Variants in ALPL observed in about 807,000 individuals in gnomAD.
ALPL encodes alkaline phosphatase, biomineralization associated, also known as alkaline phosphatase, tissue-nonspecific isozyme.
In ALPL, 42 loss-of-function variants were observed where a neutral mutation model predicts 51.3. The ratio of observed to expected loss-of-function variants is 0.82; its 90% CI spans 0.64 to 1.06. The LOEUF is 1.06. ALPL is among the 50% of genes least tolerant of loss of function. The pLI is 0.00. For missense variants in ALPL, 589 were observed against 709.4 expected (o/e 0.83, Z 1.93); for synonymous variants, 279 against 296.4 (o/e 0.94, Z 0.60).
intron 1 of ALPL, among the ~76,000 whole-genome samples, chr1:21,549,320 A>T (rs180807376): frequency 6.6e-6 from 1 of 152,228 alleles, no homozygotes; most frequent in Admixed American, 6.5e-5. Flanking sequence ...TCTTTTTCAA[A>T]TGCCAGAGCC....
chr1:21,556,928 G>C (rs1644421537), intron 2 of ALPL, among the ~76,000 whole-genome samples: 2 of 152,150 alleles, frequency 1.3e-5, no homozygotes, highest in African/African-American at 2.4e-5. Flanking sequence ...AACAGAGCAA[G>C]ACTCCATCTC....
At position 21,566,369 on chromosome 1, in the gene ALPL, C is replaced by CG. The variant is rs1324323416; in HGVS notation, c.649-1735_649-1734insG. Among the ~76,000 whole-genome samples the CG allele has an allele frequency of 7.2e-5, 11 of 152,162 alleles. No homozygotes were observed. The East Asian group carries it at 2.1e-3, about 29-fold the overall frequency. ...TGCGATCTTGGCTCACTGCAGCCTT[C>CG]ACCTCCCGGGTTCAAGCGATTGTCC... is the stretch of plus-strand genomic sequence containing the variant. On this transcript the variant is annotated intron_variant, in intron 6 of 11. Coordinates refer to ENST00000374840, the MANE Select transcript of ALPL (RefSeq NM_000478.6).
intron 2 of ALPL, among the ~76,000 whole-genome samples, chr1:21,557,825 A>G (rs4654757): frequency 0.21 from 31,741 of 152,050 alleles, 3,662 homozygotes; most frequent in East Asian, 0.48. Flanking sequence ...ATTTATACCC[A>G]TGTAACCGCC....
intron 1 of ALPL, among the ~76,000 whole-genome samples, chr1:21,520,528 C>T (rs1290791437): frequency 7.6e-6 from 1 of 132,014 alleles, no homozygotes; most frequent in Non-Finnish European, 1.5e-5. Flanking sequence ...AGTGCAGTGG[C>T]TTGATCTTGG....
At chr1:21,512,774 A>G (rs1643716577) in intron 1 of ALPL, among the ~76,000 whole-genome samples, 2 of 152,272 alleles carry the variant, frequency 1.3e-5, no homozygotes, top group East Asian at 1.9e-4. Context: ...GAAAAACTCT[A>G]TGCTTAAAGT....
intron 2 of ALPL, among the ~76,000 whole-genome samples, chr1:21,556,263 T>A (rs1644412426): frequency 6.6e-6 from 1 of 152,224 alleles, no homozygotes; most frequent in Non-Finnish European, 1.5e-5. Context: ...TTCACATTTC[T>A]TATGAATGAC....
chr1:21,539,348 T>A (rs1252933175), intron 1 of ALPL, among the ~76,000 whole-genome samples: 1 of 152,238 alleles, frequency 6.6e-6, no homozygotes, highest in Non-Finnish European at 1.5e-5. Flanking sequence ...GAACAATGCC[T>A]GGCACATAAT....
rs372711153 is a variant in ALPL at position 21,573,879 on chromosome 1, G to A, written c.997+80G>A. 1.8e-4 allele frequency: 290 copies of A among 1,602,852 alleles called. 1 individual carries two copies. The East Asian group carries it at 4.8e-3, about 26-fold the overall frequency. On this transcript the variant is annotated intron_variant, in intron 9 of 11. Transcript: ENST00000374840. Reference sequence around the variant, plus strand: ...AGGATGGAGAAGTCCAGCTCTTAAAGGGAACTGACTGGTTTGGGGGTGAAG... The same window carrying A: ...AGGATGGAGAAGTCCAGCTCTTAAAAGGAACTGACTGGTTTGGGGGTGAAG...
At chr1:21,542,766 A>G (rs1644204500) in intron 1 of ALPL, among the ~76,000 whole-genome samples, 1 of 152,110 alleles carries the variant, frequency 6.6e-6, no homozygotes, top group East Asian at 1.9e-4. Flanking sequence ...TGAACTCTGA[A>G]GGCGGAGGTT....
At chr1:21,554,803 GTCTGTCTGTCTGTCTT>G (rs1360085874) in intron 2 of ALPL, among the ~76,000 whole-genome samples, 1,908 of 42,442 alleles carry the variant, frequency 0.045, 28 homozygotes, top group Non-Finnish European at 0.057. Context: ...CTGTCTGTCT[GTCTGTCTGTCTGTCTT>G]TCTTTCTTTC....
intron 1 of ALPL, among the ~76,000 whole-genome samples, chr1:21,548,896 C>T (rs1452561211): frequency 6.6e-6 from 1 of 152,164 alleles, no homozygotes; most frequent in African/African-American, 2.4e-5. Context: ...ACATACACTG[C>T]GTTTGATTCT....
At position 21,577,249 on chromosome 1, in the gene ALPL, T is replaced by G. The variant is rs935707038; in HGVS notation, c.1310-134T>G. ...CCCGTGGCCTTAGGCAAAATGACTT[T>G]CCCACATTGAGCCTCCTTTTCCTCT... On this transcript the variant is annotated intron_variant, in intron 11 of 11. Coordinates refer to ENST00000374840, the MANE Select transcript of ALPL (RefSeq NM_000478.6). 2.1e-6 allele frequency: 3 copies of G among 1,427,510 alleles called. No homozygotes were observed. In the Admixed American group the frequency reaches 5.1e-5, roughly 24 times the overall value. The allele number at this position is 1,427,510 out of a possible 1,614,324, so 88.4% of individuals were successfully genotyped here. A position where few individuals can be genotyped will look rare whatever the true frequency, so the allele number is the denominator to read the frequency against.
At chr1:21,560,020 A>G (rs1644462606) in intron 2 of ALPL, among the ~76,000 whole-genome samples, 1 of 152,254 alleles carries the variant, frequency 6.6e-6, no homozygotes, top group Non-Finnish European at 1.5e-5. Context: ...CGTCCTTGAT[A>G]ACTAATCCTA....
chr1:21,518,600 A>G (rs1643845283), intron 1 of ALPL, among the ~76,000 whole-genome samples: 1 of 152,020 alleles, frequency 6.6e-6, no homozygotes, highest in Non-Finnish European at 1.5e-5. Flanking sequence ...TTTTTATGGT[A>G]TTCAGAACAT....
At chr1:21,561,606 G>A (rs1644485910) in intron 4 of ALPL, among the ~76,000 whole-genome samples, 1 of 151,226 alleles carries the variant, frequency 6.6e-6, no homozygotes, top group Non-Finnish European at 1.5e-5. Flanking sequence ...CGATCCTACA[G>A]CCTTGGCCTC....
Position 21,515,993 on chromosome 1 carries a change from C to G in ALPL, c.-105+6476C>G, listed in dbSNP as rs535681262. On this transcript the variant is annotated intron_variant, in intron 1 of 11. Coordinates refer to ENST00000374840, the MANE Select transcript of ALPL (RefSeq NM_000478.6). ...TCCTGGACTCAAGCAATCCTCCTAC[C>G]CCAACCTCTCAAGTAGCTGGGACCA... is the stretch of plus-strand genomic sequence containing the variant. Among the ~76,000 whole-genome samples the G allele has an allele frequency of 4.3e-4, 66 of 152,262 alleles. 3 individuals carry two copies. The South Asian group carries it at 0.013, about 31-fold the overall frequency.
chr1:21,528,269 C>T (rs554356402), intron 1 of ALPL, among the ~76,000 whole-genome samples: 1 of 151,656 alleles, frequency 6.6e-6, no homozygotes, highest in Admixed American at 6.6e-5. Flanking sequence ...ATCCTCCTGC[C>T]GTGGCCTCCC....
chr1:21,540,309 G>A (rs1479575917), intron 1 of ALPL, among the ~76,000 whole-genome samples: 1 of 140,826 alleles, frequency 7.1e-6, no homozygotes, highest in Non-Finnish European at 1.6e-5. Context: ...TCCCTACTGC[G>A]CCTCCCTGCT....
In ALPL at chr1:21,577,713, C is replaced by G. The variant is rs1697405; in HGVS notation, c.*65C>G. 29 of 1,546,046 alleles carry G rather than the reference C, an allele frequency of 1.9e-5. No individual in the cohort carries two copies. The Admixed American group carries it at 2.1e-4, about 11-fold the overall frequency. On this transcript the variant is annotated 3_prime_UTR_variant, in exon 12 of 12. Transcript: ENST00000374840. ...CCAACTTCCCACACGGCAGCCCCCC[C>G]CTCAAGGGGCAGGGAGGTGGGGGCC...
Sources: gnomAD v4.1 joint callset for allele counts (sites outside exome capture counted in the v4.1 genomes callset) on GRCh38, gnomAD v4.1.1 for gene constraint, MANE v1.5 for transcripts, NCBI Gene and HGNC (gene_info 2026-07-23, HGNC 2026-07-21) for gene names.